Variants in EYS observed in about 807,000 individuals in gnomAD.
EYS encodes EGF-like photoreceptor maintenance factor, also known as protein eyes shut homolog.
A neutral mutation model predicts 282.1 loss-of-function variants in EYS; 250 were observed. That is an observed-to-expected ratio of 0.89 (90% CI 0.80 to 0.98). The LOEUF is 0.98. Among genes scored for constraint, EYS ranks in the 50% least tolerant of loss-of-function variants. The pLI is 0.00. For missense variants in EYS, 4,016 were observed against 3,709.0 expected (o/e 1.08, Z -2.15); for synonymous variants, 1,355 against 1,282.9 (o/e 1.06, Z -1.20).
At chr6:64,820,341 T>G (rs1764863319) in intron 21 of EYS, among the ~76,000 whole-genome samples, 1 of 152,106 alleles carries the variant, frequency 6.6e-6, no homozygotes, top group Non-Finnish European at 1.5e-5. Context: ...CATGCATATA[T>G]ACATACATAT....
chr6:64,768,336 A>C (rs1773417130), intron 22 of EYS, among the ~76,000 whole-genome samples: 5 of 152,160 alleles, frequency 3.3e-5, no homozygotes, highest in Admixed American at 2.6e-4. Context: ...GATAATAAAA[A>C]TGATTTTTAA....
chr6:65,182,460 C>A (rs1301130646), intron 12 of EYS, among the ~76,000 whole-genome samples: 1 of 151,374 alleles, frequency 6.6e-6, no homozygotes, highest in Admixed American at 6.6e-5. Context: ...GGTTTTACAT[C>A]ATAATAATGC....
chr6:64,659,698 TCTCTGAATGGACCAATAACAGG>T (rs1768918028), intron 22 of EYS, among the ~76,000 whole-genome samples: 1 of 152,080 alleles, frequency 6.6e-6, no homozygotes, highest in South Asian at 2.1e-4. Context: ...AGAAGTTGAA[TCTCTGAATGGACCAATAACAGG>T]CTCTGAAATT....
intron 22 of EYS, among the ~76,000 whole-genome samples, chr6:64,809,551 G>C (rs1206701972): frequency 6.6e-6 from 1 of 151,918 alleles, no homozygotes; most frequent in Non-Finnish European, 1.5e-5. Context: ...ACAATAGCAA[G>C]GATATAGAAT....
At chr6:63,961,921 G>GA (rs1373445284) in intron 35 of EYS, among the ~76,000 whole-genome samples, 23 of 152,138 alleles carry the variant, frequency 1.5e-4, no homozygotes, top group Middle Eastern at 3.4e-3. Flanking sequence ...TATAGACTTA[G>GA]AAAAATGTAA....
chr6:63,981,384 A>T (rs1188867266), intron 35 of EYS, among the ~76,000 whole-genome samples: 1 of 151,756 alleles, frequency 6.6e-6, no homozygotes, highest in African/African-American at 2.4e-5. Flanking sequence ...TTAAAAAAAA[A>T]TTGTTGTTCT....
intron 35 of EYS, among the ~76,000 whole-genome samples, chr6:63,938,833 G>C (rs1263408082): frequency 6.6e-6 from 1 of 152,204 alleles, no homozygotes; most frequent in East Asian, 1.9e-4. Context: ...AGGGTGCTGA[G>C]TTGGATGAGC....
intron 12 of EYS, among the ~76,000 whole-genome samples, chr6:65,293,150 G>T (rs1768572310): frequency 6.6e-6 from 1 of 151,232 alleles, no homozygotes. Flanking sequence ...TGAGAAGATG[G>T]TTACTCAAAT....
At chr6:65,252,704 T>G (rs1767358851) in intron 12 of EYS, among the ~76,000 whole-genome samples, 1 of 151,906 alleles carries the variant, frequency 6.6e-6, no homozygotes, top group South Asian at 2.1e-4. Context: ...CCCTTGTAAA[T>G]AATTGAGAAC....
chr6:64,847,212 T>C (rs1212834227), intron 19 of EYS, among the ~76,000 whole-genome samples: 1 of 151,974 alleles, frequency 6.6e-6, no homozygotes, highest in Non-Finnish European at 1.5e-5. Context: ...TTCCTTGCAA[T>C]ACAAAATTCC....
intron 11 of EYS, chr6:65,331,421 G>A: frequency 1.3e-6 from 1 of 784,650 alleles, no homozygotes. Context: ...CATTATAACA[G>A]GTGGTATCAC....
intron 12 of EYS, among the ~76,000 whole-genome samples, chr6:65,165,280 TTTTC>T (rs771446132): frequency 6.9e-6 from 1 of 145,338 alleles, no homozygotes; most frequent in Non-Finnish European, 1.5e-5. Context: ...TATATTTAAG[TTTTC>T]TTTGTTTTTT....
At chr6:63,901,004 C>A (rs1419639710) in intron 35 of EYS, among the ~76,000 whole-genome samples, 3 of 152,160 alleles carry the variant, frequency 2.0e-5, no homozygotes, top group African/African-American at 7.2e-5. Context: ...AAAGAAACAA[C>A]CTGTGATACA....
chr6:65,561,197 T>C (rs1769043237), intron 2 of EYS, among the ~76,000 whole-genome samples: 2 of 152,152 alleles, frequency 1.3e-5, no homozygotes, highest in Non-Finnish European at 2.9e-5. Flanking sequence ...ACCCACATCT[T>C]AGACTGCCAT....
intron 2 of EYS, among the ~76,000 whole-genome samples, chr6:65,560,476 T>C (rs915212535): frequency 6.7e-6 from 1 of 150,040 alleles, no homozygotes; most frequent in African/African-American, 2.4e-5. Context: ...CTGTTCTTGG[T>C]GTCCATTATT....
intron 11 of EYS, among the ~76,000 whole-genome samples, chr6:65,321,261 G>A (rs1460401150): frequency 1.3e-5 from 2 of 151,882 alleles, no homozygotes; most frequent in Admixed American, 6.6e-5. Flanking sequence ...GGAAGTGTAA[G>A]AGGCTAAAAT....
At chr6:65,674,074 G>T (rs984481805) in intron 1 of EYS, among the ~76,000 whole-genome samples, 1 of 151,842 alleles carries the variant, frequency 6.6e-6, no homozygotes, top group Non-Finnish European at 1.5e-5. Context: ...TTGTGCAGAA[G>T]AAAAACAGTG....
chr6:64,688,158 A>G (rs1199525292), intron 22 of EYS, among the ~76,000 whole-genome samples: 1 of 150,674 alleles, frequency 6.6e-6, no homozygotes, highest in East Asian at 1.9e-4. Context: ...AATCTTGTGG[A>G]TCTTTTCAAA....
At chr6:64,817,868 T>G (rs1396530059) in intron 21 of EYS, among the ~76,000 whole-genome samples, 1 of 152,184 alleles carries the variant, frequency 6.6e-6, no homozygotes, top group Non-Finnish European at 1.5e-5. Context: ...CCTGTGTTGA[T>G]TCCATGTCTT....
Sources: allele counts gnomAD v4.1 joint callset (sites outside exome capture counted in the v4.1 genomes callset), GRCh38; gene constraint gnomAD v4.1.1; transcripts MANE v1.5; gene names NCBI Gene and HGNC (gene_info 2026-07-23, HGNC 2026-07-21).